The following ZNF384 variants were observed in gnomAD, a reference collection of about 807,000 sequenced individuals.
ZNF384 encodes CAG repeat protein 1.
In ZNF384, 20 loss-of-function variants were observed where a neutral mutation model predicts 65.0. The ratio of observed to expected loss-of-function variants is 0.31; its 90% confidence interval spans 0.22 to 0.45. The LOEUF (loss-of-function observed/expected upper bound fraction) is 0.45, where lower values mean the gene tolerates loss of function less well. Among genes scored for constraint, ZNF384 ranks in the 20% least tolerant of loss-of-function variants. The probability of loss-of-function intolerance (pLI) is 1.00; values close to 1 mark genes in which losing one functional copy is unlikely to be tolerated. For missense variants in ZNF384, 549 were observed against 769.4 expected, an observed-to-expected ratio of 0.71 and a Z score of 3.39; for synonymous variants, 310 against 303.9, an observed-to-expected ratio of 1.02 and a Z score of -0.21.
chr12:6,675,711 C>G (rs1953249370), intron 7 of ZNF384, among the ~76,000 whole-genome samples: 3 of 152,314 alleles, frequency 2.0e-5, no homozygotes, highest in African/African-American at 7.2e-5. Context: ...GCATGCAATG[C>G]AATGGCCTTG....
At position 6,686,270 on chromosome 12, in the gene ZNF384, A is replaced by T. The variant is rs114417236; in HGVS notation, c.-6+1897T>A. Reference sequence around the variant, plus strand: ...ATCAAGACTTCTGAATTCTTTTTTTATGAGACAGAGTCTCATTTTGTTGCC... The same window carrying T: ...ATCAAGACTTCTGAATTCTTTTTTTTTGAGACAGAGTCTCATTTTGTTGCC... On this transcript the variant is annotated intron_variant, in intron 2 of 11. Transcript: ENST00000683879. Among the ~76,000 whole-genome samples, 1,145 of 152,204 alleles carry T rather than the reference A, an allele frequency of 7.5e-3. 15 individuals are homozygous for T. Among genetic ancestry groups the T allele is most frequent in the African/African-American group, 0.024 (998 of 41,528 alleles).
chr12:6,673,451 T>A lies in ZNF384; in HGVS notation c.780-11A>T, dbSNP rs373315238. On this transcript the variant is annotated splice_polypyrimidine_tract_variant and intron_variant, in intron 7 of 11. Coordinates refer to ENST00000683879, the MANE Select transcript of ZNF384 (RefSeq NM_001385745.1). This position sits in a 1 kb window ranked among gnomAD's most constrained non-coding sequence, Gnocchi z 4.7. The stretch of plus-strand genomic sequence containing the variant: ...GAGCACATCCGGCACCTGAGCCAAG[T>A]GAGGGCAATGGTTAGAACCCTTCCC... 1.3e-5 allele frequency: 21 copies of A among 1,612,796 alleles called. No individual in the cohort carries two copies. The African/African-American group carries it at 2.8e-4, about 22-fold the overall frequency.
At chr12:6,681,798 T>C (rs1483172264) in intron 2 of ZNF384, among the ~76,000 whole-genome samples, 1 of 152,298 alleles carries the variant, frequency 6.6e-6, no homozygotes, top group East Asian at 1.9e-4. Context: ...AGGGAAAAAC[T>C]GTATTTCAGC....
chr12:6,679,409 A>G (rs1162337112), intron 3 of ZNF384, 46 bp downstream of exon 3: 2 of 1,547,458 alleles, frequency 1.3e-6, no homozygotes, highest in Non-Finnish European at 1.8e-6. Context: ...TAGTAACAGA[A>G]CTTACTACTG....
chr12:6,681,229 A>G (rs2137082162), intron 2 of ZNF384, among the ~76,000 whole-genome samples: 1 of 151,804 alleles, frequency 6.6e-6, no homozygotes, highest in African/African-American at 2.4e-5. Context: ...AAAAAAAAAA[A>G]CTTTCTGAGA....
intron 2 of ZNF384, among the ~76,000 whole-genome samples, chr12:6,680,413 C>T (rs1955485807): frequency 6.6e-6 from 1 of 152,140 alleles, no homozygotes; most frequent in South Asian, 2.1e-4. Context: ...CTTTGGGAGG[C>T]TGAGGCAGGT....
At chr12:6,685,322 C>CAAAAAAAA (rs1555097837) in intron 2 of ZNF384, among the ~76,000 whole-genome samples, 2 of 146,306 alleles carry the variant, frequency 1.4e-5, no homozygotes, top group Non-Finnish European at 1.5e-5. Context: ...GACCCTGTCT[C>CAAAAAAAA]AAAAAGAAAA....
At chr12:6,679,558 A>G (rs866064550) in intron 2 of ZNF384, 33 bp from the exon 3 acceptor site, 1 of 1,560,224 alleles carries the variant, frequency 6.4e-7, no homozygotes, top group Non-Finnish European at 8.8e-7. Context: ...TGTCACACTC[A>G]GGAATTACTC....
Position 6,672,795 on chromosome 12 carries a change from C to G in ZNF384, c.1005-263G>C, listed in dbSNP as rs2136621424. 6.6e-6 allele frequency among the ~76,000 whole-genome samples: 1 copy of G among 152,246 alleles called. No individual in the cohort carries two copies. The highest frequency in any genetic ancestry group is 1.9e-4 in the East Asian group (1 of 5,182). On this transcript the variant is annotated intron_variant, in intron 8 of 11. Transcript: ENST00000683879. This position sits in a 1 kb window ranked among gnomAD's most constrained non-coding sequence, Gnocchi z 4.4. ...TCCTGGTAACCTTAAAGTAGTCAAT[C>G]TCATCAACCCTCCGCTTTCTCCTAA...
In ZNF384 at chr12:6,678,090, A is replaced by T; in HGVS notation, c.686+37T>A. On this transcript the variant is annotated intron_variant, in intron 6 of 11. Coordinates refer to ENST00000683879, the MANE Select transcript of ZNF384 (RefSeq NM_001385745.1). The surrounding 1 kb of genome is among the most constrained non-coding windows in gnomAD (Gnocchi z 4.9). ...TACAGGGAGAATCACCAAGCCAGGGATCCTCGCCCCATCCTGCCCCTGGCT... is the reference window on the plus strand; with the variant it reads ...TACAGGGAGAATCACCAAGCCAGGGTTCCTCGCCCCATCCTGCCCCTGGCT... 1 of 1,568,384 alleles carries T rather than the reference A, an allele frequency of 6.4e-7. No homozygotes were observed. The highest frequency in any genetic ancestry group is 1.2e-5 in the South Asian group (1 of 86,090).
chr12:6,684,080 T>C (rs531633669), intron 2 of ZNF384, among the ~76,000 whole-genome samples: 5 of 152,280 alleles, frequency 3.3e-5, no homozygotes, highest in South Asian at 2.1e-4. Context: ...TAAGCACTTA[T>C]TGTGTTCAAG....
In ZNF384 at chr12:6,666,558, A is replaced by G. The variant is rs1051958349; in HGVS notation, c.*1156T>C. 5 of 154,674 alleles carry G rather than the reference A, an allele frequency of 3.2e-5. No individual in the cohort carries two copies. Among genetic ancestry groups the G allele is most frequent in the African/African-American group, 1.3e-4 (5 of 38,670 alleles). 9.6% of individuals were successfully genotyped at this position (154,674 alleles called of 1,614,324 possible). On this transcript the variant is annotated 3_prime_UTR_variant, in exon 12 of 12. Coordinates refer to ENST00000683879, the MANE Select transcript of ZNF384 (RefSeq NM_001385745.1). ...CATAAGTTTTTTTCTTTTTTTCTTC[A>G]TTTTTAAATTACTTTATAACAACTG...
chr12:6,672,540 A>AGAGGAGAG lies in ZNF384; in HGVS notation c.1005-16_1005-9dup, dbSNP rs1951900941. On this transcript the variant is annotated splice_polypyrimidine_tract_variant and intron_variant, in intron 8 of 11. Transcript: ENST00000683879. This position sits in a 1 kb window ranked among gnomAD's most constrained non-coding sequence, Gnocchi z 4.4. ...TGCATCTTGGAGTGGATCCTGCCGG[A>AGAGGAGAG]GAGGAGAGGAGGGAAGGGGGGAGGA... 1.9e-6 allele frequency: 3 copies of AGAGGAGAG among 1,613,190 alleles called. No homozygotes were observed. The South Asian group carries it at 3.3e-5, about 18-fold the overall frequency.
rs754871174 is a variant in ZNF384 at position 6,667,857 on chromosome 12, C to T, written c.1684G>A (p.Gly562Arg). ...FQSPGAAPQG[G>R]GGGDSNPNPP... is the part of the protein sequence containing the mutation. ...TTGGGATTGCTGTCCCCACCACCCC[C>T]ACCCTGGGGGGCTGCCCCAGGAGAC... Residue 562 changes from glycine to arginine, a missense_variant, in exon 12 of 12, where the codon GGG (glycine) becomes AGG (arginine). Physicochemically the swap from Gly to Arg is moderately radical, Grantham distance 125 (BLOSUM62 -2). This residue lies in a region of ZNF384 where 136 missense variants were observed against 183.0 expected (regional missense o/e 0.74). Coordinates refer to ENST00000683879, the MANE Select transcript of ZNF384 (RefSeq NM_001385745.1). 1 of 1,614,082 alleles carries T rather than the reference C, an allele frequency of 6.2e-7. No homozygotes were observed. The highest frequency in any genetic ancestry group is 1.1e-5 in the South Asian group (1 of 91,090).
In ZNF384 at chr12:6,678,369, G is replaced by C. The variant is rs747302771; in HGVS notation, c.444C>G (p.Val148=). Reference sequence around the variant, plus strand: ...CTTGTGAGCCAGGGGGAAGAGCTGAGACAATCATGGGAGCCGAAATGGGGA... The same window carrying C: ...CTTGTGAGCCAGGGGGAAGAGCTGACACAATCATGGGAGCCGAAATGGGGA... ...QTFPISAPMI[V]SALPPGSQAL... Residue 148 remains valine, a synonymous_variant, in exon 6 of 12, where the codon GTC becomes GTG. Transcript: ENST00000683879. The surrounding 1 kb of genome is among the most constrained non-coding windows in gnomAD (Gnocchi z 4.9). 3.1e-6 allele frequency: 5 copies of C among 1,613,954 alleles called. No individual in the cohort carries two copies. Among genetic ancestry groups the C allele is most frequent in the Non-Finnish European group, 2.5e-6 (3 of 1,179,932 alleles).
At position 6,679,916 on chromosome 12, in the gene ZNF384, C is replaced by A. The variant is rs2365105; in HGVS notation, c.-5-391G>T. 6.0e-3 allele frequency among the ~76,000 whole-genome samples: 916 copies of A among 152,290 alleles called. 15 individuals are homozygous for A. The highest frequency in any genetic ancestry group is 0.021 in the African/African-American group (871 of 41,558). On this transcript the variant is annotated intron_variant, in intron 2 of 11. Coordinates refer to ENST00000683879, the MANE Select transcript of ZNF384 (RefSeq NM_001385745.1). ...TGACTGACTTGAAAACGGCCAGGTG[C>A]CAGTACCTAGCATGACTCCTCTTTC...
In ZNF384 at chr12:6,679,199, G is replaced by A. The variant is rs1954915548; in HGVS notation, c.67-16C>T. On this transcript the variant is annotated splice_polypyrimidine_tract_variant and intron_variant, in intron 3 of 11. Coordinates refer to ENST00000683879, the MANE Select transcript of ZNF384 (RefSeq NM_001385745.1). ...TGTTCTCGATCTAAGAGAAAAGGAA[G>A]GGGACGGGAGCACCCTCTTCAGCCT... The A allele has an allele frequency of 1.3e-6, 2 of 1,552,772 alleles. No homozygotes were observed. The highest frequency in any genetic ancestry group is 1.4e-5 in the African/African-American group (1 of 73,258).
chr12:6,680,773 C>T (rs138163727), intron 2 of ZNF384, among the ~76,000 whole-genome samples: 69 of 152,278 alleles, frequency 4.5e-4, no homozygotes, highest in African/African-American at 1.5e-3. Context: ...CCACACATGC[C>T]GCGCTGAGCA....
At position 6,678,602 on chromosome 12, in the gene ZNF384, T is replaced by G. The variant is rs1954672801; in HGVS notation, c.352+61A>C. The G allele has an allele frequency of 1.3e-6, 2 of 1,544,526 alleles. No homozygotes were observed. Among genetic ancestry groups the G allele is most frequent in the African/African-American group, 2.9e-5 (2 of 67,850 alleles). On this transcript the variant is annotated intron_variant, in intron 5 of 11. Transcript: ENST00000683879. This position sits in a 1 kb window ranked among gnomAD's most constrained non-coding sequence, Gnocchi z 4.9. ...AGAGTACACAGGAAATCCCAAACCC[T>G]GTAGAAAAATAATGGTCTCCTAACC... is the stretch of plus-strand genomic sequence containing the variant.
Sources: gnomAD v4.1 joint callset for allele counts (sites outside exome capture counted in the v4.1 genomes callset) on GRCh38, gnomAD v4.1.1 for gene constraint, gnomAD v4.1.1 regional missense constraint, Gnocchi (gnomAD v3.1) non-coding constraint, MANE v1.5 for transcripts, NCBI Gene and HGNC (gene_info 2026-07-23, HGNC 2026-07-21) for gene names.